NEGR1: variants seen among roughly 807,000 people sequenced by gnomAD.
The protein encoded by NEGR1 is neuronal growth regulator 1.
NEGR1 carries 10 observed loss-of-function variants against 40.9 expected under a neutral mutation model. The observed-to-expected ratio is 0.24, with a 90% confidence interval of 0.15 to 0.42. The LOEUF is 0.42. Ranked by LOEUF, NEGR1 falls within the 10% of genes least tolerant of loss-of-function variation. NEGR1 has a pLI of 1.00. For missense variants in NEGR1, 352 were observed against 438.9 expected, an observed-to-expected ratio of 0.80 and a Z score of 1.77; for synonymous variants, 185 against 166.8, an observed-to-expected ratio of 1.11 and a Z score of -0.84.
intron 4 of NEGR1, among the ~76,000 whole-genome samples, chr1:71,615,299 T>A (rs895311207): frequency 6.9e-6 from 1 of 145,304 alleles, no homozygotes; most frequent in Admixed American, 6.9e-5. Context: ...AAAAAAAAAA[T>A]ATTCCTGGCC....
intron 2 of NEGR1, among the ~76,000 whole-genome samples, chr1:71,874,698 A>G (rs1158357632): frequency 1.3e-5 from 2 of 152,168 alleles, no homozygotes; most frequent in Non-Finnish European, 2.9e-5. Context: ...TGTGTTTAGC[A>G]TCCTTAGATG....
At chr1:71,690,619 C>CAGAGAGAGAGAGAGAG (rs59019409) in intron 4 of NEGR1, among the ~76,000 whole-genome samples, 1,042 of 67,574 alleles carry the variant, frequency 0.015, 65 homozygotes, top group Non-Finnish European at 0.022. Flanking sequence ...TAGAGGGAGA[C>CAGAGAGAGAGAGAGAG]AGAGAGAGAG....
chr1:71,464,084 C>G (rs1646730206), intron 6 of NEGR1, among the ~76,000 whole-genome samples: 1 of 152,050 alleles, frequency 6.6e-6, no homozygotes, highest in East Asian at 1.9e-4. Context: ...TCTGCAAAGG[C>G]TCCATGTAGT....
chr1:71,697,600 CT>C (rs1172537449), intron 4 of NEGR1, among the ~76,000 whole-genome samples: 1 of 151,802 alleles, frequency 6.6e-6, no homozygotes, highest in Non-Finnish European at 1.5e-5. Flanking sequence ...CAGCTCTTTT[CT>C]TTGAGTACAG....
At chr1:72,060,426 T>G (rs772963450) in intron 1 of NEGR1, among the ~76,000 whole-genome samples, 8 of 151,676 alleles carry the variant, frequency 5.3e-5, no homozygotes, top group Non-Finnish European at 1.0e-4. Context: ...GGTACAAACT[T>G]TTATTACATT....
chr1:72,195,106 T>C (rs1652955381), intron 1 of NEGR1, among the ~76,000 whole-genome samples: 1 of 152,058 alleles, frequency 6.6e-6, no homozygotes, highest in South Asian at 2.1e-4. Flanking sequence ...CACATAGCTC[T>C]ACATTCAATA....
intron 1 of NEGR1, among the ~76,000 whole-genome samples, chr1:72,255,507 C>T (rs1655236550): frequency 6.7e-6 from 1 of 149,126 alleles, no homozygotes; most frequent in Non-Finnish European, 1.5e-5. Flanking sequence ...TTAAGATTTA[C>T]TTATTTAAGA....
chr1:71,731,248 T>C (rs1361831612), intron 3 of NEGR1, among the ~76,000 whole-genome samples: 1 of 152,170 alleles, frequency 6.6e-6, no homozygotes, highest in African/African-American at 2.4e-5. Flanking sequence ...AAATACCATA[T>C]GACATATTTT....
intron 2 of NEGR1, among the ~76,000 whole-genome samples, chr1:71,878,290 C>T (rs537061959): frequency 4.2e-4 from 64 of 152,200 alleles, no homozygotes; most frequent in African/African-American, 1.3e-3. Flanking sequence ...GAATTAAGTG[C>T]TTTCATTATC....
intron 1 of NEGR1, among the ~76,000 whole-genome samples, chr1:72,088,275 C>T (rs542489206): frequency 6.6e-6 from 1 of 151,954 alleles, no homozygotes; most frequent in African/African-American, 2.4e-5. Context: ...TCAGCTCTTA[C>T]TCAAAGTGTC....
At chr1:71,698,584 C>T (rs916575482) in intron 3 of NEGR1, among the ~76,000 whole-genome samples, 2 of 151,734 alleles carry the variant, frequency 1.3e-5, no homozygotes, top group Non-Finnish European at 2.9e-5. Flanking sequence ...TACCCTTATT[C>T]AAGGATTCAA....
chr1:71,678,575 C>T (rs1447889502), intron 4 of NEGR1, among the ~76,000 whole-genome samples: 1 of 152,068 alleles, frequency 6.6e-6, no homozygotes. Context: ...GTTTAAATGG[C>T]TACACCAAAG....
intron 4 of NEGR1, among the ~76,000 whole-genome samples, chr1:71,647,102 G>A (rs1651556290): frequency 6.6e-6 from 1 of 151,716 alleles, no homozygotes; most frequent in Non-Finnish European, 1.5e-5. Flanking sequence ...GCAAAACCGA[G>A]AGAATTCTTT....
intron 2 of NEGR1, among the ~76,000 whole-genome samples, chr1:71,852,511 A>G (rs948796438): frequency 3.3e-5 from 5 of 151,818 alleles, no homozygotes; most frequent in African/African-American, 1.2e-4. Context: ...AATCTCTAGC[A>G]CTCCTGATTG....
rs540145813 is a variant in NEGR1, at chr1:71,600,780, C to A, written c.789-7812G>T. Among the ~76,000 whole-genome samples the A allele has an allele frequency of 1.6e-4, 24 of 152,302 alleles. 1 individual carries two copies. Among genetic ancestry groups the A allele is most frequent in the African/African-American group, 5.3e-4 (22 of 41,568 alleles). ...TTATTCCAGGGACAGTGAAGAAACA[C>A]CGACAGGCTTCATACATAAAGTGTA... On this transcript the variant is annotated intron_variant, in intron 5 of 6. Transcript: ENST00000357731.
intron 1 of NEGR1, among the ~76,000 whole-genome samples, chr1:72,267,693 G>C (rs1655694781): frequency 6.6e-6 from 1 of 151,090 alleles, no homozygotes; most frequent in African/African-American, 2.4e-5. Context: ...AGAATTATTT[G>C]CAAAAGAATT....
At chr1:71,874,402 A>T (rs1376065388) in intron 2 of NEGR1, among the ~76,000 whole-genome samples, 1 of 152,164 alleles carries the variant, frequency 6.6e-6, no homozygotes, top group South Asian at 2.1e-4. Flanking sequence ...GTAATGGTAC[A>T]TATTATCTTC....
intron 1 of NEGR1, among the ~76,000 whole-genome samples, chr1:72,220,166 C>T (rs1330155104): frequency 6.6e-6 from 1 of 151,564 alleles, no homozygotes. Context: ...CCAATTAAAT[C>T]TCAGAAAAAA....
At chr1:72,104,031 G>T (rs1649041762) in intron 1 of NEGR1, among the ~76,000 whole-genome samples, 1 of 152,048 alleles carries the variant, frequency 6.6e-6, no homozygotes, top group African/African-American at 2.4e-5. Flanking sequence ...TCCAAGAATT[G>T]AAATTTGGTT....
Sources: allele counts gnomAD v4.1 joint callset (sites outside exome capture counted in the v4.1 genomes callset), GRCh38; gene constraint gnomAD v4.1.1; transcripts MANE v1.5; gene names NCBI Gene and HGNC (gene_info 2026-07-23, HGNC 2026-07-21).